Variants in ZRANB3 observed in about 807,000 individuals in gnomAD.
The protein encoded by ZRANB3 is DNA annealing helicase and endonuclease ZRANB3.
ZRANB3 carries 125 observed loss-of-function variants against 133.8 expected under a neutral mutation model. The observed-to-expected ratio is 0.93, with a 90% CI of 0.81 to 1.08. The LOEUF is 1.08. Ranked by LOEUF, ZRANB3 falls within the 50% of genes least tolerant of loss-of-function variation. ZRANB3 has a pLI of 0.00. For missense variants in ZRANB3, 1,229 were observed against 1,275.5 expected (o/e 0.96, Z 0.56); for synonymous variants, 387 against 432.7 (o/e 0.89, Z 1.31).
At chr2:135,443,299 TCA>T (rs1392770922) in intron 2 of ZRANB3, among the ~76,000 whole-genome samples, 1 of 144,850 alleles carries the variant, frequency 6.9e-6, no homozygotes, top group Non-Finnish European at 1.5e-5. Context: ...CTGCATGTTC[TCA>T]CTCATAAGTG....
chr2:135,234,637 A>G (rs1695203691), intron 12 of ZRANB3, among the ~76,000 whole-genome samples: 1 of 152,200 alleles, frequency 6.6e-6, no homozygotes, highest in African/African-American at 2.4e-5. Flanking sequence ...TAAGAAACTC[A>G]CTCAAAACCG....
intron 2 of ZRANB3, among the ~76,000 whole-genome samples, chr2:135,437,034 A>T (rs958893958): frequency 6.6e-6 from 1 of 152,188 alleles, no homozygotes; most frequent in Non-Finnish European, 1.5e-5. Flanking sequence ...ATCTCGGCTC[A>T]CTGCAACCTC....
At chr2:135,511,753 T>G (rs1693466285) in intron 1 of ZRANB3, 10 of 764,172 alleles carry the variant, frequency 1.3e-5, no homozygotes, top group Non-Finnish European at 2.4e-5. Flanking sequence ...TGACATCACT[T>G]TCCTGTGGAT....
At chr2:135,520,417 T>C (rs1349996588) in intron 1 of ZRANB3, among the ~76,000 whole-genome samples, 7 of 150,460 alleles carry the variant, frequency 4.7e-5, no homozygotes, top group Non-Finnish European at 1.0e-4. Flanking sequence ...GGATTTCTTT[T>C]TTTTTTTTTT....
intron 1 of ZRANB3, among the ~76,000 whole-genome samples, chr2:135,526,574 A>G (rs913875407): frequency 4.6e-5 from 7 of 152,134 alleles, no homozygotes; most frequent in Admixed American, 2.6e-4. Context: ...ATTGTGATTT[A>G]TTTTTCAATC....
chr2:135,485,512 T>C (rs1692074932), intron 2 of ZRANB3, among the ~76,000 whole-genome samples: 1 of 152,188 alleles, frequency 6.6e-6, no homozygotes, highest in Non-Finnish European at 1.5e-5. Flanking sequence ...ATTACAATAA[T>C]TATTATAGCA....
At chr2:135,508,732 C>A (rs961295582) in intron 1 of ZRANB3, among the ~76,000 whole-genome samples, 1 of 151,910 alleles carries the variant, frequency 6.6e-6, no homozygotes, top group Non-Finnish European at 1.5e-5. Flanking sequence ...ATATTCTTTT[C>A]TATTTATAGG....
intron 1 of ZRANB3, chr2:135,510,809 G>C (rs528978822): frequency 2.4e-6 from 2 of 834,108 alleles, no homozygotes; most frequent in Admixed American, 1.7e-5. Flanking sequence ...AACCAAAACT[G>C]GGTAATTTCC....
chr2:135,443,561 A>G (rs1197731986), intron 2 of ZRANB3, among the ~76,000 whole-genome samples: 1 of 152,228 alleles, frequency 6.6e-6, no homozygotes, highest in Admixed American at 6.5e-5. Flanking sequence ...TACATTAGTA[A>G]GCAAAAGGCA....
At chr2:135,366,262 G>A (rs577887532) in intron 3 of ZRANB3, among the ~76,000 whole-genome samples, 99 of 151,768 alleles carry the variant, frequency 6.5e-4, no homozygotes, top group African/African-American at 2.3e-3. Flanking sequence ...GATGGGTCTC[G>A]TATATATTAA....
chr2:135,465,916 A>G (rs1383944881), intron 2 of ZRANB3, among the ~76,000 whole-genome samples: 1 of 152,240 alleles, frequency 6.6e-6, no homozygotes, highest in African/African-American at 2.4e-5. Flanking sequence ...ACACATGAAA[A>G]AAAGCTCATC....
In ZRANB3 at chr2:135,325,610, C is replaced by T. The variant is rs112167129; in HGVS notation, c.678-10080G>A. Among the ~76,000 whole-genome samples, 461 of 152,124 alleles carry T rather than the reference C, an allele frequency of 3.0e-3. 3 individuals are homozygous for T. The highest frequency in any genetic ancestry group is 0.01 in the African/African-American group (423 of 41,530). ...TGGGGTTTCACCATGTTAGCCAGGACGGTCTTGATCTCCTGACCTCATGAT... is the reference window on the plus strand; with the variant it reads ...TGGGGTTTCACCATGTTAGCCAGGATGGTCTTGATCTCCTGACCTCATGAT... On this transcript the variant is annotated intron_variant, in intron 6 of 20. Coordinates refer to ENST00000264159, the MANE Select transcript of ZRANB3 (RefSeq NM_032143.4).
chr2:135,508,626 G>A (rs1693305163), intron 1 of ZRANB3, among the ~76,000 whole-genome samples: 1 of 152,086 alleles, frequency 6.6e-6, no homozygotes, highest in Non-Finnish European at 1.5e-5. Flanking sequence ...GATTTAAACA[G>A]ATATTTGGAT....
At chr2:135,414,621 A>T (rs1417180137) in intron 2 of ZRANB3, among the ~76,000 whole-genome samples, 1 of 152,156 alleles carries the variant, frequency 6.6e-6, no homozygotes, top group Non-Finnish European at 1.5e-5. Flanking sequence ...ACAGCTACAG[A>T]ACTCTCCATC....
At chr2:135,279,975 T>G (rs919904176) in intron 8 of ZRANB3, among the ~76,000 whole-genome samples, 14 of 152,230 alleles carry the variant, frequency 9.2e-5, no homozygotes, top group Non-Finnish European at 1.9e-4. Context: ...AAATGTACTA[T>G]GCATGCATTT....
chr2:135,269,455 A>G (rs1440597184), intron 10 of ZRANB3, among the ~76,000 whole-genome samples: 3 of 152,134 alleles, frequency 2.0e-5, no homozygotes, highest in African/African-American at 4.8e-5. Context: ...AATCTAATAA[A>G]ATACTTTATA....
At chr2:135,519,710 G>T (rs1162090357) in intron 1 of ZRANB3, among the ~76,000 whole-genome samples, 1 of 152,034 alleles carries the variant, frequency 6.6e-6, no homozygotes, top group Non-Finnish European at 1.5e-5. Context: ...TGTGTATTCG[G>T]TTGTTCACAT....
intron 18 of ZRANB3, among the ~76,000 whole-genome samples, chr2:135,208,437 T>C (rs1045949685): frequency 8.5e-5 from 13 of 152,230 alleles, no homozygotes; most frequent in Admixed American, 7.2e-4. Context: ...CTCAATTTGT[T>C]AGAATAAAAG....
intron 3 of ZRANB3, among the ~76,000 whole-genome samples, chr2:135,365,505 T>C (rs1457356779): frequency 6.6e-6 from 1 of 152,170 alleles, no homozygotes; most frequent in Non-Finnish European, 1.5e-5. Context: ...ATCACTAAAA[T>C]TTCTATACGT....
Sources: allele counts gnomAD v4.1 joint callset (sites outside exome capture counted in the v4.1 genomes callset), GRCh38; gene constraint gnomAD v4.1.1; transcripts MANE v1.5; gene names NCBI Gene and HGNC (gene_info 2026-07-23, HGNC 2026-07-21).